Variants in STPG4 observed in about 807,000 individuals in gnomAD.
STPG4 encodes the protein protein STPG4.
Under a neutral mutation model 31.5 loss-of-function variants are expected in STPG4, and 41 were observed. The observed-to-expected ratio is 1.30, with a 90% confidence interval of 1.01 to 1.69. The LOEUF (loss-of-function observed/expected upper bound fraction) is 1.69. Among genes scored for constraint, STPG4 ranks in the 40% most tolerant of loss-of-function variants. The probability of loss-of-function intolerance (pLI) is 0.00; values close to 1 mark genes in which losing one functional copy is unlikely to be tolerated. For missense variants in STPG4, 375 were observed against 293.4 expected (o/e 1.28, Z -2.03); for synonymous variants, 141 against 103.0 (o/e 1.37, Z -2.24).
intron 6 of STPG4, among the ~76,000 whole-genome samples, chr2:47,088,370 C>T (rs1055395034): frequency 1.3e-5 from 2 of 152,226 alleles, no homozygotes; most frequent in African/African-American, 4.8e-5. Flanking sequence ...GGCACATGCA[C>T]ATATTCTTGA....
At chr2:47,087,473 C>T (rs1355866932) in intron 6 of STPG4, among the ~76,000 whole-genome samples, 1 of 152,188 alleles carries the variant, frequency 6.6e-6, no homozygotes, top group Non-Finnish European at 1.5e-5. Flanking sequence ...ACTCCTATCC[C>T]GAGGAATGCC....
chr2:47,120,977 G>C (rs1379413786), intron 5 of STPG4: 1 of 152,440 alleles, frequency 6.6e-6, no homozygotes, highest in Non-Finnish European at 1.5e-5. Context: ...CATATTTTTG[G>C]AAGATGTGAA....
chr2:47,090,163 C>T (rs763995885), intron 6 of STPG4, 107 bp downstream of exon 6: 4 of 716,466 alleles, frequency 5.6e-6, no homozygotes, highest in Admixed American at 2.4e-5. Context: ...TGATCATTCC[C>T]CCATCTCACC....
chr2:47,142,348 C>T (rs553095226), intron 3 of STPG4, among the ~76,000 whole-genome samples: 9 of 152,080 alleles, frequency 5.9e-5, no homozygotes, highest in Admixed American at 2.0e-4. Context: ...CTCCATCTTC[C>T]AAGGCAATGC....
intron 5 of STPG4, among the ~76,000 whole-genome samples, chr2:47,091,265 A>G (rs540945818): frequency 2.0e-5 from 3 of 152,362 alleles, no homozygotes; most frequent in Admixed American, 6.5e-5. Flanking sequence ...AAATTCGCTC[A>G]GCCTTTCCAG....
chr2:47,107,496 C>T (rs568196823), intron 5 of STPG4, among the ~76,000 whole-genome samples: 6 of 152,302 alleles, frequency 3.9e-5, no homozygotes, highest in East Asian at 1.9e-4. Flanking sequence ...GGTTTCTCAC[C>T]GGGTCTTAGC....
intron 5 of STPG4, among the ~76,000 whole-genome samples, chr2:47,099,945 C>T (rs1208237278): frequency 2.0e-5 from 3 of 152,158 alleles, no homozygotes; most frequent in African/African-American, 2.4e-5. Context: ...CTCAGTTTCT[C>T]GCTGGGTCTT....
intron 5 of STPG4, among the ~76,000 whole-genome samples, chr2:47,111,472 G>C (rs1686035149): frequency 6.6e-6 from 1 of 152,156 alleles, no homozygotes; most frequent in African/African-American, 2.4e-5. Context: ...GGAGTGAAGG[G>C]AGGAGAAACT....
At chr2:47,105,708 G>C (rs748833523) in intron 5 of STPG4, among the ~76,000 whole-genome samples, 1 of 152,016 alleles carries the variant, frequency 6.6e-6, no homozygotes, top group Non-Finnish European at 1.5e-5. Flanking sequence ...TTGAAAGCAA[G>C]CCTCTTCCCC....
intron 2 of STPG4, among the ~76,000 whole-genome samples, chr2:47,151,724 G>A (rs1031489723): frequency 6.6e-6 from 1 of 151,998 alleles, no homozygotes; most frequent in African/African-American, 2.4e-5. Context: ...TAAAGCAAAC[G>A]GGTTAGAGTT....
intron 5 of STPG4, among the ~76,000 whole-genome samples, chr2:47,095,402 C>T (rs1450606841): frequency 6.6e-6 from 1 of 152,126 alleles, no homozygotes; most frequent in Non-Finnish European, 1.5e-5. Flanking sequence ...CAAGGAATGC[C>T]AGCAAGCCAC....
At chr2:47,089,085 A>G (rs1295069151) in intron 6 of STPG4, among the ~76,000 whole-genome samples, 1 of 152,160 alleles carries the variant, frequency 6.6e-6, no homozygotes, top group Non-Finnish European at 1.5e-5. Flanking sequence ...GACTCCACCA[A>G]TCAGTGCTCC....
At chr2:47,096,812 G>T (rs908495499) in intron 5 of STPG4, among the ~76,000 whole-genome samples, 1 of 152,108 alleles carries the variant, frequency 6.6e-6, no homozygotes, top group African/African-American at 2.4e-5. Context: ...TGAAGACAAG[G>T]ACAAAAATCT....
intron 1 of STPG4, 68 bp downstream of exon 1, chr2:47,155,103 G>T: frequency 1.4e-6 from 2 of 1,470,984 alleles, no homozygotes; most frequent in Non-Finnish European, 1.9e-6. Flanking sequence ...TTAGAGAGCG[G>T]TGGGAAAAGG....
At position 47,151,266 on chromosome 2, in the gene STPG4, T is replaced by C. The variant is rs753763494; in HGVS notation, c.391A>G (p.Lys131Glu). The change falls in exon 3 of 7, where the codon AAA (lysine) becomes GAA (glutamate). Residue 131 changes from lysine (K) to glutamate (E), a missense_variant. Lys to Glu is a moderately conservative substitution (Grantham distance 56). Coordinates refer to ENST00000445927, the MANE Select transcript of STPG4 (RefSeq NM_001163561.2). ...TGCCAGTAGCGCTTTACCTGATCTT[T>C]GTCAACTAGTGTGCTGGGGCTTGGC... ...PRPSPSTLVD[K>E]DQSLQLSPGQ... 3 of 1,614,210 alleles carry C rather than the reference T, an allele frequency of 1.9e-6. No homozygotes were observed. In the Admixed American group the frequency reaches 5.0e-5, roughly 27 times the overall value.
chr2:47,153,279 T>C (rs1686971425), intron 1 of STPG4, among the ~76,000 whole-genome samples: 1 of 152,196 alleles, frequency 6.6e-6, no homozygotes, highest in South Asian at 2.1e-4. Flanking sequence ...GTTGTAAGTA[T>C]CTTAAATGTG....
At chr2:47,140,324 C>T (rs1408583780) in intron 3 of STPG4, among the ~76,000 whole-genome samples, 3 of 152,124 alleles carry the variant, frequency 2.0e-5, no homozygotes, top group Non-Finnish European at 2.9e-5. Flanking sequence ...CAAAATGGTT[C>T]CTTTTCCTCT....
chr2:47,154,373 C>T (rs1019022409), intron 1 of STPG4, among the ~76,000 whole-genome samples: 1 of 152,200 alleles, frequency 6.6e-6, no homozygotes, highest in Non-Finnish European at 1.5e-5. Flanking sequence ...AGGCCTCCCA[C>T]CCCTACCCCA....
chr2:47,130,053 T>G (rs1273164882), intron 4 of STPG4, 58 bp from the exon 5 acceptor site: 1 of 1,477,658 alleles, frequency 6.8e-7, no homozygotes, highest in Non-Finnish European at 9.3e-7. Flanking sequence ...TAAAGATCTT[T>G]GTTAACTTAT....
Sources: gnomAD v4.1 joint callset for allele counts (sites outside exome capture counted in the v4.1 genomes callset) on GRCh38, gnomAD v4.1.1 for gene constraint, MANE v1.5 for transcripts, NCBI Gene and HGNC (gene_info 2026-07-23, HGNC 2026-07-21) for gene names.